Variants in RABGEF1 observed in about 807,000 individuals in gnomAD.
RABGEF1 encodes RAB guanine nucleotide exchange factor 1, also known as rab5 GDP/GTP exchange factor.
A neutral mutation model predicts 57.3 loss-of-function variants in RABGEF1; 26 were observed. The observed-to-expected ratio is 0.45, with a 90% CI of 0.33 to 0.63. The LOEUF (loss-of-function observed/expected upper bound fraction) is 0.63, where lower values mean the gene tolerates loss of function less well. Among genes scored for constraint, RABGEF1 ranks in the 20% least tolerant of loss-of-function variants. The pLI is 0.02. For synonymous variants in RABGEF1, 185 were observed against 210.7 expected (o/e 0.88, Z 1.06); for missense variants, 464 against 607.6 (o/e 0.76, Z 2.48).
the RABGEF1 span, among the ~76,000 whole-genome samples, chr7:66,657,408 A>G: frequency 6.6e-6 from 1 of 152,258 alleles, no homozygotes; most frequent in Non-Finnish European, 1.5e-5. Context: ...AGATGAAATC[A>G]TACAGGAAAT....
In RABGEF1 at chr7:66,712,972, T is replaced by A. The variant is rs148158773; in HGVS notation, c.-815+748T>A. ...TGGGACTACAGGTGTGCCACTACAC[T>A]TGGCTAATTTTATTTTATATTTTGT... On this transcript the variant is annotated intron_variant and NMD_transcript_variant, in intron 2 of 9. Transcript: ENST00000607882. Among the ~76,000 whole-genome samples the A allele has an allele frequency of 8.6e-5, 13 of 151,492 alleles. No homozygotes were observed. In the East Asian group the frequency reaches 2.3e-3, roughly 27 times the overall value.
At chr7:66,661,298 CAAAAAAAA>C in the RABGEF1 span, among the ~76,000 whole-genome samples, 1 of 78,044 alleles carries the variant, frequency 1.3e-5, no homozygotes, top group Non-Finnish European at 2.3e-5. Flanking sequence ...GACTCCATCT[CAAAAAAAA>C]AAAAAAAAAA....
the RABGEF1 span, among the ~76,000 whole-genome samples, chr7:66,657,675 G>A: frequency 1.3e-5 from 2 of 152,086 alleles, no homozygotes; most frequent in African/African-American, 4.8e-5. Context: ...ACAAAAATTA[G>A]CCAGGCATGG....
chr7:66,752,679 T>C (rs1183062473), intron 1 of RABGEF1, among the ~76,000 whole-genome samples: 1 of 152,194 alleles, frequency 6.6e-6, no homozygotes, highest in East Asian at 1.9e-4. Flanking sequence ...ACCTGGAAAC[T>C]TGTTAAATTC....
At position 66,775,246 on chromosome 7, in the gene RABGEF1, G is replaced by A. The variant is rs555870012; in HGVS notation, c.199G>A (p.Glu67Lys). The A allele has an allele frequency of 1.1e-4, 182 of 1,613,170 alleles. 3 individuals carry two copies. In the South Asian group the frequency reaches 1.9e-3, roughly 17 times the overall value. Residue 67 changes from glutamate (E) to lysine (K), a missense_variant, in exon 3 of 9, where the codon GAG (glutamate) becomes AAG (lysine). By Grantham distance (56) the Glu-to-Lys change is moderately conservative (BLOSUM62 1). This residue lies in a region of RABGEF1 where 284 missense variants were observed against 389.9 expected (regional missense o/e 0.73). Coordinates refer to ENST00000284957, the MANE Select transcript of RABGEF1 (RefSeq NM_014504.3). ...TTGCAGACTCCAGCGGGAGGAAGAA[G>A]AGGCCTTTGCCAGCAGTCAGAGCAG... ...LAERLQREEE[E>K]AFASSQSSQG...
In RABGEF1 at chr7:66,802,991, T is replaced by C. The variant is rs563244716; in HGVS notation, c.821-2149T>C. Among the ~76,000 whole-genome samples, 16 of 151,988 alleles carry C rather than the reference T, an allele frequency of 1.1e-4. No individual in the cohort carries two copies. The South Asian group carries it at 2.9e-3, about 28-fold the overall frequency. On this transcript the variant is annotated intron_variant, in intron 7 of 8. Coordinates refer to ENST00000284957, the MANE Select transcript of RABGEF1 (RefSeq NM_014504.3). ...TAAAAGGTAGAAGGCTAAAGATAAATGAAGGTAGTAAAAATGGCTTTAAAA... is the reference window on the plus strand; with the variant it reads ...TAAAAGGTAGAAGGCTAAAGATAAACGAAGGTAGTAAAAATGGCTTTAAAA...
At chr7:66,737,324 G>A (rs1280524852), upstream of RABGEF1, among the ~76,000 whole-genome samples, 2 of 151,964 alleles carry the variant, frequency 1.3e-5, no homozygotes, top group East Asian at 3.9e-4. Context: ...GGGCCATCAT[G>A]GCTCACTACA....
At chr7:66,805,020 C>T in intron 7 of RABGEF1, 120 bp from the exon 8 acceptor site, 1 of 1,137,040 alleles carries the variant, frequency 8.8e-7, no homozygotes, top group Non-Finnish European at 1.2e-6. Flanking sequence ...ACTAAGTTAA[C>T]TGCTGGAAAA....
intron 1 of RABGEF1, among the ~76,000 whole-genome samples, chr7:66,771,505 G>A (rs1235829380): frequency 6.6e-6 from 1 of 152,092 alleles, no homozygotes; most frequent in African/African-American, 2.4e-5. Context: ...TGTGCTTTTG[G>A]TGTCATATCC....
chr7:66,793,780 G>A (rs1041272539), intron 4 of RABGEF1, among the ~76,000 whole-genome samples: 1 of 152,078 alleles, frequency 6.6e-6, no homozygotes, highest in Non-Finnish European at 1.5e-5. Flanking sequence ...GGAATGAGGT[G>A]ACTGCTCCTG....
chr7:66,709,615 T>C (rs1361605451), intron 1 of RABGEF1, among the ~76,000 whole-genome samples: 1 of 152,044 alleles, frequency 6.6e-6, no homozygotes, highest in Non-Finnish European at 1.5e-5. Context: ...GGTGAAACCC[T>C]GTCTCTACTA....
At chr7:66,695,477 A>C (rs1244371216) in intron 1 of RABGEF1, among the ~76,000 whole-genome samples, 4 of 152,198 alleles carry the variant, frequency 2.6e-5, no homozygotes, top group Non-Finnish European at 4.4e-5. Flanking sequence ...GGCTTGGCCC[A>C]CATGTCAGGG....
intron 1 of RABGEF1, among the ~76,000 whole-genome samples, chr7:66,747,164 C>A (rs1800454499): frequency 6.6e-6 from 1 of 151,992 alleles, no homozygotes; most frequent in Non-Finnish European, 1.5e-5. Context: ...GGGCCAAATA[C>A]CATTATTATG....
At chr7:66,691,663 A>G (rs915616684) in intron 1 of RABGEF1, among the ~76,000 whole-genome samples, 6 of 152,326 alleles carry the variant, frequency 3.9e-5, no homozygotes, top group Non-Finnish European at 7.4e-5. Flanking sequence ...CCAATAAATT[A>G]CATGAGAAAT....
chr7:66,795,442 C>G lies in RABGEF1; in HGVS notation c.514-69C>G. 9.6e-6 allele frequency: 13 copies of G among 1,358,664 alleles called. No homozygotes were observed. The South Asian group carries it at 1.3e-4, about 13-fold the overall frequency. The allele number at this position is 1,358,664 out of a possible 1,614,324, so 84.2% of individuals were successfully genotyped here. ...TACAAGGAATGGCTTTTGGAAAGTT[C>G]TTAGAATGTAGAGCTGTGCTTCTGC... is the stretch of plus-strand genomic sequence containing the variant. On this transcript the variant is annotated intron_variant, in intron 4 of 8. Coordinates refer to ENST00000284957, the MANE Select transcript of RABGEF1 (RefSeq NM_014504.3).
chr7:66,730,764 G>A (rs1797225537), intron 2 of RABGEF1, among the ~76,000 whole-genome samples: 1 of 152,084 alleles, frequency 6.6e-6, no homozygotes, highest in Non-Finnish European at 1.5e-5. Context: ...CACCATGTTG[G>A]CCAGGCTGGC....
intron 1 of RABGEF1, among the ~76,000 whole-genome samples, chr7:66,683,860 C>T (rs1267059402): frequency 3.9e-5 from 6 of 152,104 alleles, no homozygotes; most frequent in Non-Finnish European, 8.8e-5. Flanking sequence ...CCCACCTCAA[C>T]CTCCCGAGTA....
intron 1 of RABGEF1, among the ~76,000 whole-genome samples, chr7:66,695,083 G>A (rs1376824669): frequency 2.6e-5 from 4 of 152,008 alleles, no homozygotes; most frequent in East Asian, 1.9e-4. Flanking sequence ...AGGCCGAGGC[G>A]GGCGGATCAC....
At chr7:66,759,225 G>T (rs1439611619) in intron 1 of RABGEF1, among the ~76,000 whole-genome samples, 1 of 152,170 alleles carries the variant, frequency 6.6e-6, no homozygotes, top group East Asian at 1.9e-4. Context: ...GGCTCTCACA[G>T]GACATATTTA....
Sources: allele counts gnomAD v4.1 joint callset (sites outside exome capture counted in the v4.1 genomes callset), GRCh38; gene constraint gnomAD v4.1.1; regional missense constraint gnomAD v4.1.1; transcripts MANE v1.5; gene names NCBI Gene and HGNC (gene_info 2026-07-23, HGNC 2026-07-21).